Variants in MARK4 observed in about 807,000 individuals in gnomAD.
MARK4 encodes microtubule affinity regulating kinase 4, also known as MAP/microtubule affinity-regulating kinase 4.
MARK4 carries 19 observed loss-of-function variants against 81.5 expected under a neutral mutation model. The ratio of observed to expected loss-of-function variants is 0.23; its 90% CI spans 0.16 to 0.34. The LOEUF (loss-of-function observed/expected upper bound fraction) is 0.34. Among genes scored for constraint, MARK4 ranks in the 10% least tolerant of loss-of-function variants. The pLI is 1.00. For missense variants in MARK4, 772 were observed against 1,058.8 expected, an observed-to-expected ratio of 0.73 and a Z score of 3.76; for synonymous variants, 436 against 439.0, an observed-to-expected ratio of 0.99 and a Z score of 0.08.
At chr19:45,265,059 C>T in intron 6 of MARK4, 149 bp downstream of exon 6, 2 of 736,446 alleles carry the variant, frequency 2.7e-6, no homozygotes, top group East Asian at 2.6e-5. Context: ...GTGTGCTGGG[C>T]ATATAGTTGC....
At chr19:45,298,262 C>T (rs1421168077) in intron 15 of MARK4, 2 of 1,599,188 alleles carry the variant, frequency 1.3e-6, no homozygotes, top group Non-Finnish European at 8.6e-7. Flanking sequence ...GGCTCTGCCT[C>T]CCTGCCTGCA....
intron 2 of MARK4, among the ~76,000 whole-genome samples, chr19:45,261,271 C>T (rs1970377112): frequency 6.6e-6 from 1 of 152,090 alleles, no homozygotes; most frequent in Admixed American, 6.6e-5. Context: ...AAATTACAGG[C>T]CAATCTGGTG....
In MARK4 at chr19:45,285,511, G is replaced by A. The variant is rs139811806; in HGVS notation, c.1277-1936G>A. Among the ~76,000 whole-genome samples, 146 of 152,300 alleles carry A rather than the reference G, an allele frequency of 9.6e-4. 1 individual carries two copies. The East Asian group carries it at 0.026, about 27-fold the overall frequency. On this transcript the variant is annotated intron_variant, in intron 12 of 16. Transcript: ENST00000262891. ...TGAGACCCAGCATGAGCCCCACACG[G>A]GAAGTGGTGCTTCTGCCCTACCCCC...
Position 45,268,737 on chromosome 19 carries a change from C to G in MARK4, c.549+2456C>G, listed in dbSNP as rs540580215. ...TCCAACCTGGGTAACAGAGCAAAAC[C>G]CTGTCTCTAAAAACAACAACAAAAA... On this transcript the variant is annotated intron_variant, in intron 7 of 16. Transcript: ENST00000262891. Among the ~76,000 whole-genome samples, 204 of 151,924 alleles carry G rather than the reference C, an allele frequency of 1.3e-3. 2 individuals carry two copies. Among genetic ancestry groups the G allele is most frequent in the Admixed American group, 0.013 (201 of 15,248 alleles).
intron 3 of MARK4, 69 bp from the exon 4 acceptor site, chr19:45,263,250 G>A (rs1175854877): frequency 1.9e-5 from 30 of 1,613,466 alleles, no homozygotes; most frequent in Middle Eastern, 1.6e-4. Flanking sequence ...GCGGGGGCCC[G>A]GCTGGGGAAA....
chr19:45,287,202 C>CAAA (rs139216602), intron 12 of MARK4, among the ~76,000 whole-genome samples: 3 of 65,498 alleles, frequency 4.6e-5, no homozygotes, highest in African/African-American at 5.3e-5. Flanking sequence ...GACTTTGTCT[C>CAAA]AAAAAAAAAA....
chr19:45,302,310 C>T lies in MARK4; in HGVS notation c.1923-64C>T. ...TGTCCCGAATTGGGAAGAGTTGTCCCTTCAGCCCTCCACCACATTCCTCTT... is the reference window on the plus strand; with the variant it reads ...TGTCCCGAATTGGGAAGAGTTGTCCTTTCAGCCCTCCACCACATTCCTCTT... On this transcript the variant is annotated intron_variant, in intron 16 of 16. Transcript: ENST00000262891. The surrounding 1 kb of genome is among the most constrained non-coding windows in gnomAD (Gnocchi z 4.9). 1 of 1,609,710 alleles carries T rather than the reference C, an allele frequency of 6.2e-7. No homozygotes were observed. Among genetic ancestry groups the T allele is most frequent in the African/African-American group, 1.3e-5 (1 of 75,004 alleles).
intron 13 of MARK4, among the ~76,000 whole-genome samples, chr19:45,289,880 T>G (rs532575937): frequency 1.1e-4 from 17 of 152,286 alleles, no homozygotes; most frequent in African/African-American, 4.1e-4. Context: ...GTGGATTGCT[T>G]GAGCTCAGGA....
chr19:45,302,309 C>G lies in MARK4; in HGVS notation c.1923-65C>G, dbSNP rs1268592139. On this transcript the variant is annotated intron_variant, in intron 16 of 16. Coordinates refer to ENST00000262891, the MANE Select transcript of MARK4 (RefSeq NM_001199867.2). This position sits in a 1 kb window ranked among gnomAD's most constrained non-coding sequence, Gnocchi z 4.9. ...GTGTCCCGAATTGGGAAGAGTTGTC[C>G]CTTCAGCCCTCCACCACATTCCTCT... 1 of 1,606,552 alleles carries G rather than the reference C, an allele frequency of 6.2e-7. No individual in the cohort carries two copies. Among genetic ancestry groups the G allele is most frequent in the African/African-American group, 1.3e-5 (1 of 74,754 alleles).
chr19:45,282,155 G>A (rs191066600), intron 12 of MARK4, among the ~76,000 whole-genome samples: 37 of 151,320 alleles, frequency 2.4e-4, no homozygotes, highest in Admixed American at 1.5e-3. Flanking sequence ...ACTGGGAGGC[G>A]GAGGTTGCAG....
At chr19:45,301,790 A>C (rs139153395) in intron 16 of MARK4, among the ~76,000 whole-genome samples, 3,289 of 149,020 alleles carry the variant, frequency 0.022, 50 homozygotes, top group Non-Finnish European at 0.035. Context: ...GCTTCAACCC[A>C]GGAGGCGGAG....
rs183567334 is a variant in MARK4 at position 45,268,650 on chromosome 19, C to G, written c.549+2369C>G. 4.6e-5 allele frequency among the ~76,000 whole-genome samples: 7 copies of G among 151,784 alleles called. No individual in the cohort carries two copies. The East Asian group carries it at 1.4e-3, about 30-fold the overall frequency. ...GTCTCAGCTACTCAGGAGGCTGAGGCAGGAGGATCCCTTGAGCCCAGGAGG... is the reference window on the plus strand; with the variant it reads ...GTCTCAGCTACTCAGGAGGCTGAGGGAGGAGGATCCCTTGAGCCCAGGAGG... On this transcript the variant is annotated intron_variant, in intron 7 of 16. Transcript: ENST00000262891.
chr19:45,300,743 C>A (rs1357529816), intron 16 of MARK4, among the ~76,000 whole-genome samples: 2 of 152,142 alleles, frequency 1.3e-5, no homozygotes, highest in Non-Finnish European at 2.9e-5. Flanking sequence ...AACAAACTGC[C>A]AGGGCTGACT....
chr19:45,272,375 G>A (rs745553116), intron 8 of MARK4, among the ~76,000 whole-genome samples: 2 of 152,108 alleles, frequency 1.3e-5, no homozygotes, highest in African/African-American at 2.4e-5. Context: ...TATATGCTAC[G>A]CTGTGGGTGA....
intron 1 of MARK4, among the ~76,000 whole-genome samples, chr19:45,253,386 A>G (rs1438770181): frequency 2.0e-5 from 3 of 152,124 alleles, no homozygotes; most frequent in Non-Finnish European, 2.9e-5. Context: ...CTGGGTTCCA[A>G]TGCTGACATG....
Position 45,285,191 on chromosome 19 carries a change from C to T in MARK4, c.1277-2256C>T, listed in dbSNP as rs6509205. Among the ~76,000 whole-genome samples, 815 of 143,486 alleles carry T rather than the reference C, an allele frequency of 5.7e-3. 16 individuals carry two copies. The highest frequency in any genetic ancestry group is 0.02 in the African/African-American group (759 of 38,464). The allele number at this position is 143,486 out of a possible 152,430, so 94.1% of individuals were successfully genotyped here. ...GGAGGATGGTTTGAGCCTGGGAGGC[C>T]GAGGTTGCAATGAGTCCAGATCGTG... On this transcript the variant is annotated intron_variant, in intron 12 of 16. Transcript: ENST00000262891.
At chr19:45,272,103 G>A (rs904132101) in intron 8 of MARK4, among the ~76,000 whole-genome samples, 3 of 151,984 alleles carry the variant, frequency 2.0e-5, no homozygotes, top group Non-Finnish European at 2.9e-5. Flanking sequence ...AGGCGGAGGC[G>A]GGAGGCTCAC....
chr19:45,293,130 G>A (rs1222882951), intron 13 of MARK4, among the ~76,000 whole-genome samples: 1 of 152,114 alleles, frequency 6.6e-6, no homozygotes. Context: ...TTAGCTGGAT[G>A]TGGTGGTCCA....
At chr19:45,288,184 C>T (rs945952289) in intron 13 of MARK4, 10 of 156,976 alleles carry the variant, frequency 6.4e-5, no homozygotes, top group East Asian at 3.8e-4. Context: ...GCTGTGTTCC[C>T]GCCACTGCAC....
Sources: gnomAD v4.1 joint callset for allele counts (sites outside exome capture counted in the v4.1 genomes callset) on GRCh38, gnomAD v4.1.1 for gene constraint, Gnocchi (gnomAD v3.1) non-coding constraint, MANE v1.5 for transcripts, NCBI Gene and HGNC (gene_info 2026-07-23, HGNC 2026-07-21) for gene names.